Variants in GLYR1 observed in about 807,000 individuals in gnomAD.
GLYR1 encodes glyoxylate reductase 1 homolog.
Under a neutral mutation model 72.7 loss-of-function variants are expected in GLYR1, and 21 were observed. That is an observed-to-expected ratio of 0.29 (90% CI 0.20 to 0.42). The LOEUF is 0.42. GLYR1 is among the 10% of genes least tolerant of loss of function. The pLI is 1.00. For synonymous variants in GLYR1, 392 were observed against 270.2 expected (o/e 1.45, Z -4.42); for missense variants, 594 against 712.1 (o/e 0.83, Z 1.89).
chr16:4,811,853 G>A (rs2083339046), intron 13 of GLYR1, 51 bp from the exon 14 acceptor site: 1 of 1,569,944 alleles, frequency 6.4e-7, no homozygotes, highest in Non-Finnish European at 8.7e-7. Flanking sequence ...CACAGACAGG[G>A]CTTCTCTGTC....
intron 3 of GLYR1, among the ~76,000 whole-genome samples, chr16:4,841,187 G>C (rs1343686267): frequency 6.6e-6 from 1 of 152,070 alleles, no homozygotes; most frequent in Non-Finnish European, 1.5e-5. Context: ...TTTTTGTCTT[G>C]AGCAAGCACA....
intron 10 of GLYR1, 41 bp from the exon 11 acceptor site, chr16:4,814,688 C>G: frequency 2.1e-6 from 3 of 1,452,712 alleles, no homozygotes; most frequent in Non-Finnish European, 2.9e-6. Flanking sequence ...GCAGGCAGTG[C>G]ACAACAAACA....
chr16:4,819,686 C>T (rs2141980617), intron 9 of GLYR1, among the ~76,000 whole-genome samples: 1 of 152,260 alleles, frequency 6.6e-6, no homozygotes, highest in African/African-American at 2.4e-5. Flanking sequence ...TCATTCTTTC[C>T]ATAGTTTTGG....
At chr16:4,810,700 A>T (rs1274609560) in intron 15 of GLYR1, among the ~76,000 whole-genome samples, 42 of 45,822 alleles carry the variant, frequency 9.2e-4, no homozygotes, top group African/African-American at 3.1e-3. Context: ...TGTCTCTACT[A>T]AAAAAAAAAA....
intron 5 of GLYR1, among the ~76,000 whole-genome samples, chr16:4,824,261 T>C (rs1006093996): frequency 1.3e-5 from 2 of 152,038 alleles, no homozygotes; most frequent in Non-Finnish European, 2.9e-5. Context: ...ATGTCTGTAA[T>C]CCCAGCACTT....
rs990935412 is a variant in GLYR1 at position 4,804,593 on chromosome 16, T to C, written c.*643A>G. 1 of 152,686 alleles carries C rather than the reference T, an allele frequency of 6.5e-6. No individual in the cohort carries two copies. The highest frequency in any genetic ancestry group is 1.5e-5 in the Non-Finnish European group (1 of 68,196). 9.5% of individuals were successfully genotyped at this position (152,686 alleles called of 1,614,324 possible). A position where few individuals can be genotyped will look rare whatever the true frequency, so the allele number is the denominator to read the frequency against. Reference sequence around the variant, plus strand: ...TCTTCTCGGGACTCTGCCAGTCTCTTTTCAGTTCACAAAGGCGTCTATGGA... The same window carrying C: ...TCTTCTCGGGACTCTGCCAGTCTCTCTTCAGTTCACAAAGGCGTCTATGGA... On this transcript the variant is annotated 3_prime_UTR_variant, in exon 16 of 16. Transcript: ENST00000321919.
chr16:4,847,130 G>A (rs1304464025), intron 1 of GLYR1, 98 bp downstream of exon 1: 5 of 1,139,262 alleles, frequency 4.4e-6, no homozygotes, highest in Non-Finnish European at 5.1e-6. Flanking sequence ...CCGCGACCTG[G>A]AGCGCATAAA....
chr16:4,816,697 A>G (rs2083660839), intron 10 of GLYR1, among the ~76,000 whole-genome samples: 1 of 151,992 alleles, frequency 6.6e-6, no homozygotes, highest in Non-Finnish European at 1.5e-5. Flanking sequence ...TTAAAAAATT[A>G]CTTGTGGGCC....
At chr16:4,810,162 T>C (rs1037459221) in intron 15 of GLYR1, among the ~76,000 whole-genome samples, 20 of 152,012 alleles carry the variant, frequency 1.3e-4, no homozygotes, top group Non-Finnish European at 1.5e-5. Context: ...GAAAGCAGGA[T>C]TAAAATAAAT....
rs17631159 is a variant in GLYR1 at position 4,843,004 on chromosome 16, T to C, written c.155+2070A>G. On this transcript the variant is annotated intron_variant, in intron 3 of 15. Transcript: ENST00000321919. Reference sequence around the variant, plus strand: ...CATGAGCCACCATGCCCGACCATCATTGTGCACATCATCTTATCTGAAATG... The same window carrying C: ...CATGAGCCACCATGCCCGACCATCACTGTGCACATCATCTTATCTGAAATG... Among the ~76,000 whole-genome samples, 9 of 152,096 alleles carry C rather than the reference T, an allele frequency of 5.9e-5. No homozygotes were observed. The East Asian group carries it at 9.8e-4, about 17-fold the overall frequency.
intron 15 of GLYR1, among the ~76,000 whole-genome samples, chr16:4,808,205 C>T (rs1165757426): frequency 7.2e-6 from 1 of 138,564 alleles, no homozygotes; most frequent in Non-Finnish European, 1.5e-5. Flanking sequence ...CACTGCACTC[C>T]AGCCTGGGCA....
At chr16:4,825,131 G>C (rs1042132633) in intron 5 of GLYR1, among the ~76,000 whole-genome samples, 5 of 152,168 alleles carry the variant, frequency 3.3e-5, no homozygotes, top group Non-Finnish European at 5.9e-5. Context: ...AGCAGCCAGA[G>C]TCAGCTACCA....
intron 9 of GLYR1, chr16:4,817,972 A>G: frequency 2.9e-6 from 1 of 344,942 alleles, no homozygotes; most frequent in South Asian, 3.9e-5. Flanking sequence ...GTTCAGGGCC[A>G]GTCTCCCAGG....
intron 15 of GLYR1, among the ~76,000 whole-genome samples, chr16:4,810,434 C>T (rs1469339743): frequency 6.6e-6 from 1 of 151,492 alleles, no homozygotes. Context: ...CTATTGAACC[C>T]AGGAGGCAGA....
Position 4,804,724 on chromosome 16 carries a change from T to TCTGGGCCCA in GLYR1, c.*503_*511dup, listed in dbSNP as rs1436111772. The TCTGGGCCCA allele has an allele frequency of 4.0e-5, 7 of 174,676 alleles. No homozygotes were observed. The highest frequency in any genetic ancestry group is 1.7e-4 in the African/African-American group (7 of 42,412). The allele number at this position is 174,676 out of a possible 1,614,324, so 10.8% of individuals were successfully genotyped here. A position where few individuals can be genotyped will look rare whatever the true frequency, so the allele number is the denominator to read the frequency against. ...TCTGTCTGGAGTCTGTACTGGCTCA[T>TCTGGGCCCA]CTGGGCCCAAGGCCTCTCCTTGTAG... On this transcript the variant is annotated 3_prime_UTR_variant, in exon 16 of 16. Transcript: ENST00000321919.
At position 4,827,638 on chromosome 16, in the gene GLYR1, C is replaced by T. The variant is rs185832983; in HGVS notation, c.538-3731G>A. On this transcript the variant is annotated intron_variant, in intron 5 of 15. Coordinates refer to ENST00000321919, the MANE Select transcript of GLYR1 (RefSeq NM_032569.4). Reference sequence around the variant, plus strand: ...AAAACGGGCCAGGCACGGTGGCTCACGCCTGTCATCCCAGCACTTTGGGAG... The same window carrying T: ...AAAACGGGCCAGGCACGGTGGCTCATGCCTGTCATCCCAGCACTTTGGGAG... 8.2e-3 allele frequency among the ~76,000 whole-genome samples: 1,247 copies of T among 152,128 alleles called. 24 individuals are homozygous for T. Among genetic ancestry groups the T allele is most frequent in the African/African-American group, 0.028 (1,182 of 41,486 alleles).
chr16:4,847,184 T>G, intron 1 of GLYR1, 44 bp downstream of exon 1: 1 of 1,556,758 alleles, frequency 6.4e-7, no homozygotes, highest in Non-Finnish European at 8.8e-7. Context: ...CCCAGGCGGG[T>G]AGCTCCCCGG....
In GLYR1 at chr16:4,812,233, C is replaced by T. The variant is rs939726996; in HGVS notation, c.1135G>A (p.Gly379Arg). The stretch of plus-strand genomic sequence containing the variant: ...ACGGGGGCTTCCAGAAAGCGCCCCC[C>T]CCTGGACACAATCACCTGGAAAGAA... ...TELAQVIVSR[G>R]GRFLEAPVSG... The change falls in exon 13 of 16, where the codon GGG becomes AGG. Residue 379 changes from glycine (G) to arginine (R), a missense_variant. Physicochemically the swap from Gly to Arg is moderately radical, Grantham distance 125. Coordinates refer to ENST00000321919, the MANE Select transcript of GLYR1 (RefSeq NM_032569.4). 2.5e-6 allele frequency: 4 copies of T among 1,613,076 alleles called. No individual in the cohort carries two copies. The highest frequency in any genetic ancestry group is 3.4e-6 in the Non-Finnish European group (4 of 1,179,796).
At chr16:4,838,382 A>G (rs1193932845) in intron 3 of GLYR1, among the ~76,000 whole-genome samples, 1 of 152,134 alleles carries the variant, frequency 6.6e-6, no homozygotes, top group Non-Finnish European at 1.5e-5. Flanking sequence ...AAGAACCAGA[A>G]AGATGACCCT....
Sources: allele counts gnomAD v4.1 joint callset (sites outside exome capture counted in the v4.1 genomes callset), GRCh38; gene constraint gnomAD v4.1.1; transcripts MANE v1.5; gene names NCBI Gene and HGNC (gene_info 2026-07-23, HGNC 2026-07-21).